ROR1: variants seen among roughly 807,000 people sequenced by gnomAD.
The protein encoded by ROR1 is ROR family WNT receptor 1.
Under a neutral mutation model 78.8 loss-of-function variants are expected in ROR1, and 19 were observed. The ratio of observed to expected loss-of-function variants is 0.24; its 90% CI spans 0.17 to 0.35. ROR1 has a LOEUF of 0.35. Among genes scored for constraint, ROR1 ranks in the 10% least tolerant of loss-of-function variants. The probability of loss-of-function intolerance (pLI) is 1.00; values close to 1 mark genes in which losing one functional copy is unlikely to be tolerated. For missense variants in ROR1, 917 were observed against 1,177.8 expected, an observed-to-expected ratio of 0.78 and a Z score of 3.24; for synonymous variants, 386 against 433.6, an observed-to-expected ratio of 0.89 and a Z score of 1.36.
At chr1:64,145,807 C>T (rs1359443578) in intron 7 of ROR1, among the ~76,000 whole-genome samples, 2 of 152,308 alleles carry the variant, frequency 1.3e-5, no homozygotes, top group African/African-American at 2.4e-5. Flanking sequence ...GCACCAGGCA[C>T]AGTGCTAGGG....
intron 1 of ROR1, among the ~76,000 whole-genome samples, chr1:63,802,923 ATT>A (rs990915073): frequency 6.6e-6 from 1 of 152,242 alleles, no homozygotes; most frequent in African/African-American, 2.4e-5. Flanking sequence ...TTAATTGTAT[ATT>A]TTCTTTAACC....
chr1:63,915,338 C>T (rs2100421718), intron 1 of ROR1, among the ~76,000 whole-genome samples: 1 of 152,202 alleles, frequency 6.6e-6, no homozygotes. Flanking sequence ...GGTGTATAGT[C>T]TAAGGTGGGA....
At chr1:64,129,811 C>T (rs1372282799) in intron 4 of ROR1, among the ~76,000 whole-genome samples, 4 of 152,132 alleles carry the variant, frequency 2.6e-5, no homozygotes, top group Admixed American at 6.6e-5. Context: ...CCTCAAATTA[C>T]GTTTGTGAGA....
chr1:63,782,366 C>T (rs1644656301), intron 1 of ROR1, among the ~76,000 whole-genome samples: 1 of 152,050 alleles, frequency 6.6e-6, no homozygotes, highest in African/African-American at 2.4e-5. Context: ...ACTCCCCAGG[C>T]AGAATCGGTA....
intron 1 of ROR1, among the ~76,000 whole-genome samples, chr1:63,800,767 CT>C (rs1041398926): frequency 1.1e-4 from 16 of 152,308 alleles, no homozygotes; most frequent in Admixed American, 1.0e-3. Context: ...CTGAGATGTG[CT>C]GCTCTGATGA....
At chr1:63,859,779 G>A (rs1359045472) in intron 1 of ROR1, among the ~76,000 whole-genome samples, 2 of 152,228 alleles carry the variant, frequency 1.3e-5, no homozygotes, top group African/African-American at 4.8e-5. Context: ...TGTTGGATGA[G>A]TGTGGATTTG....
chr1:64,046,389 G>A (rs1439963247), intron 2 of ROR1, among the ~76,000 whole-genome samples: 1 of 152,206 alleles, frequency 6.6e-6, no homozygotes, highest in East Asian at 1.9e-4. Context: ...CCTGTTTGTG[G>A]CAAGGCTCCT....
chr1:63,994,077 T>G (rs916601662), intron 1 of ROR1, among the ~76,000 whole-genome samples: 1 of 152,212 alleles, frequency 6.6e-6, no homozygotes, highest in Non-Finnish European at 1.5e-5. Context: ...ATTGAAGTTT[T>G]ATATAACATT....
intron 4 of ROR1, among the ~76,000 whole-genome samples, chr1:64,104,340 T>G (rs763249192): frequency 2.5e-4 from 38 of 152,102 alleles, no homozygotes; most frequent in Non-Finnish European, 5.3e-4. Flanking sequence ...TTATCATTAT[T>G]ATTTTTACTT....
chr1:64,126,942 T>TA (rs1487928900), intron 4 of ROR1, among the ~76,000 whole-genome samples: 1 of 152,158 alleles, frequency 6.6e-6, no homozygotes, highest in Non-Finnish European at 1.5e-5. Context: ...TCTTCTCCTC[T>TA]AAAAATCCTT....
chr1:63,920,866 A>G (rs940787805), intron 1 of ROR1, among the ~76,000 whole-genome samples: 2 of 152,210 alleles, frequency 1.3e-5, no homozygotes, highest in Admixed American at 1.3e-4. Flanking sequence ...CAAAGTGGTC[A>G]GTTAGGAAGG....
intron 4 of ROR1, among the ~76,000 whole-genome samples, chr1:64,063,246 T>C (rs1646930889): frequency 6.6e-6 from 1 of 152,228 alleles, no homozygotes; most frequent in Non-Finnish European, 1.5e-5. Context: ...TTTGTACAGA[T>C]TCCTCTCATC....
chr1:63,800,158 C>T (rs1182133772), intron 1 of ROR1, among the ~76,000 whole-genome samples: 1 of 152,044 alleles, frequency 6.6e-6, no homozygotes, highest in Non-Finnish European at 1.5e-5. Context: ...CCAGGGTTAC[C>T]CTGGGTCCAT....
chr1:63,843,247 G>T, intron 1 of ROR1: 2 of 1,507,494 alleles, frequency 1.3e-6, no homozygotes, highest in Non-Finnish European at 1.8e-6. Context: ...TTCTCTGCCA[G>T]GGTGCAGCGG....
chr1:63,990,026 C>G (rs1396123766), intron 1 of ROR1, among the ~76,000 whole-genome samples: 1 of 152,138 alleles, frequency 6.6e-6, no homozygotes, highest in Non-Finnish European at 1.5e-5. Context: ...TGTTTTTTCT[C>G]TCCTGTCAGC....
chr1:64,168,261 A>G (rs553523505), intron 8 of ROR1, among the ~76,000 whole-genome samples: 4 of 152,334 alleles, frequency 2.6e-5, no homozygotes, highest in East Asian at 1.9e-4. Context: ...TGGTTTTTCC[A>G]TTTGTAAAAT....
chr1:63,785,806 G>A lies in ROR1; in HGVS notation c.91+11298G>A, dbSNP rs558186012. Among the ~76,000 whole-genome samples, 361 of 152,270 alleles carry A rather than the reference G, an allele frequency of 2.4e-3. 1 individual carries two copies. Among genetic ancestry groups the A allele is most frequent in the Middle Eastern group, 6.8e-3 (2 of 294 alleles). ...TTCCCAAAGTGCTGGGATTACAGGC[G>A]TAAGCCACCGCGCCCGGCCTACGCA... On this transcript the variant is annotated intron_variant, in intron 1 of 8. Transcript: ENST00000371079.
At chr1:63,795,847 TAGAA>T (rs1644756656) in intron 1 of ROR1, among the ~76,000 whole-genome samples, 3 of 152,216 alleles carry the variant, frequency 2.0e-5, no homozygotes, top group Non-Finnish European at 4.4e-5. Flanking sequence ...AATTTTAATT[TAGAA>T]AATGCCATTA....
At chr1:64,112,509 T>G (rs1557658014) in intron 4 of ROR1, among the ~76,000 whole-genome samples, 1 of 152,200 alleles carries the variant, frequency 6.6e-6, no homozygotes, top group Admixed American at 6.5e-5. Flanking sequence ...ATCTGTATGC[T>G]GACTCATAGA....
Sources: gnomAD v4.1 joint callset for allele counts (sites outside exome capture counted in the v4.1 genomes callset) on GRCh38, gnomAD v4.1.1 for gene constraint, MANE v1.5 for transcripts, NCBI Gene and HGNC (gene_info 2026-07-23, HGNC 2026-07-21) for gene names.